Variants in PTK2 observed in about 807,000 individuals in gnomAD.
PTK2 encodes the protein protein tyrosine kinase 2.
A neutral mutation model predicts 150.1 loss-of-function variants in PTK2; 45 were observed. The observed-to-expected ratio is 0.30, with a 90% confidence interval of 0.24 to 0.38. The LOEUF (loss-of-function observed/expected upper bound fraction) is 0.38. Among genes scored for constraint, PTK2 ranks in the 10% least tolerant of loss-of-function variants. PTK2 has a pLI of 1.00. For missense variants in PTK2, 919 were observed against 1,307.3 expected, an observed-to-expected ratio of 0.70 and a Z score of 4.58; for synonymous variants, 432 against 449.2, an observed-to-expected ratio of 0.96 and a Z score of 0.48.
intron 1 of PTK2, among the ~76,000 whole-genome samples, chr8:140,978,503 T>G (rs1158351844): frequency 6.6e-6 from 1 of 151,962 alleles, no homozygotes; most frequent in Non-Finnish European, 1.5e-5. Context: ...AAGAGACACA[T>G]GAAAAAATGC....
At chr8:140,756,988 C>CA (rs751248364) in intron 16 of PTK2, among the ~76,000 whole-genome samples, 2,802 of 99,258 alleles carry the variant, frequency 0.028, 73 homozygotes, top group African/African-American at 0.086. Context: ...TACTCCGTCT[C>CA]AAAAAAAAAA....
chr8:140,866,103 C>T (rs72683785), intron 4 of PTK2, among the ~76,000 whole-genome samples: 6,749 of 152,206 alleles, frequency 0.044, 200 homozygotes, highest in South Asian at 0.064. Context: ...GGCACTATTT[C>T]TCTTAATCAA....
At chr8:140,822,516 G>T (rs2100109372) in intron 8 of PTK2, 1 of 152,104 alleles carries the variant, frequency 6.6e-6, no homozygotes, top group Non-Finnish European at 1.5e-5. Flanking sequence ...TGAAACATTA[G>T]GTAACAACGA....
chr8:140,889,753 A>T (rs529707779), intron 3 of PTK2, among the ~76,000 whole-genome samples: 12 of 152,270 alleles, frequency 7.9e-5, no homozygotes, highest in African/African-American at 2.9e-4. Context: ...GGTATTTAAC[A>T]CTTCATCAAA....
chr8:140,768,352 T>G (rs2100073585), intron 14 of PTK2, among the ~76,000 whole-genome samples: 1 of 152,212 alleles, frequency 6.6e-6, no homozygotes, highest in African/African-American at 2.4e-5. Context: ...ATTCATAGTA[T>G]TGAGAAATTC....
intron 23 of PTK2, among the ~76,000 whole-genome samples, chr8:140,711,592 G>A (rs181523407): frequency 6.6e-6 from 1 of 152,254 alleles, no homozygotes; most frequent in Non-Finnish European, 1.5e-5. Flanking sequence ...ATACTGATGG[G>A]CAATTTTATT....
At chr8:140,658,562 C>T (rs2075422833) in exon 32 of PTK2, 1 of 196,640 alleles carries the variant, frequency 5.1e-6, no homozygotes, top group Non-Finnish European at 1.1e-5. Context: ...AACCAAATTC[C>T]TGTTTTGCTT....
At chr8:140,926,924 T>A (rs769025302) in intron 1 of PTK2, among the ~76,000 whole-genome samples, 53 of 152,238 alleles carry the variant, frequency 3.5e-4, no homozygotes, top group Non-Finnish European at 6.9e-4. Flanking sequence ...TAATTAATGA[T>A]AATTTCTTAT....
chr8:140,670,495 AC>A lies in PTK2; in HGVS notation c.2710-2072del, dbSNP rs1563988008. ...AAAAAAAAAAAAAACAACAACACAC[AC>A]ACACACACACACACACACACACACA... On this transcript the variant is annotated intron_variant, in intron 29 of 31. Transcript: ENST00000522684. Among the ~76,000 whole-genome samples, 32 of 44,270 alleles carry A rather than the reference AC, an allele frequency of 7.2e-4. 5 individuals carry two copies. The highest frequency in any genetic ancestry group is 2.9e-3 in the African/African-American group (32 of 10,934). 29.0% of individuals were successfully genotyped at this position (44,270 alleles called of 152,430 possible). A position where few individuals can be genotyped will look rare whatever the true frequency, so the allele number is the denominator to read the frequency against.
At chr8:140,713,142 A>AT in intron 23 of PTK2, among the ~76,000 whole-genome samples, 1 of 152,194 alleles carries the variant, frequency 6.6e-6, no homozygotes, top group East Asian at 1.9e-4. Flanking sequence ...GTAAAACAGC[A>AT]TTTTTTTCTT....
intron 23 of PTK2, among the ~76,000 whole-genome samples, chr8:140,710,661 A>C (rs999296972): frequency 2.0e-5 from 3 of 152,186 alleles, no homozygotes; most frequent in African/African-American, 7.2e-5. Context: ...ACAGAGTGAG[A>C]CTCTGTCTCA....
intron 1 of PTK2, among the ~76,000 whole-genome samples, chr8:140,964,003 T>C (rs987266035): frequency 1.3e-5 from 2 of 152,166 alleles, no homozygotes; most frequent in Non-Finnish European, 1.5e-5. Flanking sequence ...TAATGTGCCA[T>C]GCTACTTCTT....
intron 14 of PTK2, among the ~76,000 whole-genome samples, chr8:140,779,502 TG>T (rs2100080464): frequency 6.6e-6 from 1 of 152,138 alleles, no homozygotes; most frequent in South Asian, 2.1e-4. Flanking sequence ...AGTGCTACCA[TG>T]GTTCTCAGAC....
intron 27 of PTK2, among the ~76,000 whole-genome samples, chr8:140,684,546 A>C (rs2100018724): frequency 6.6e-6 from 1 of 152,260 alleles, no homozygotes; most frequent in South Asian, 2.1e-4. Context: ...TACAAAAATC[A>C]GTAGCATTTC....
chr8:141,000,369 T>G (rs1013419195), intron 1 of PTK2, among the ~76,000 whole-genome samples: 36 of 152,246 alleles, frequency 2.4e-4, no homozygotes, highest in Non-Finnish European at 3.5e-4. Flanking sequence ...GGCTTGGGGC[T>G]CGGGCACCGG....
intron 16 of PTK2, among the ~76,000 whole-genome samples, chr8:140,754,766 G>A (rs1027737580): frequency 2.0e-5 from 3 of 152,200 alleles, no homozygotes; most frequent in Non-Finnish European, 2.9e-5. Context: ...TAGGACATGC[G>A]GCTAGTGGCC....
chr8:140,917,236 C>T (rs1407608800), intron 2 of PTK2, among the ~76,000 whole-genome samples: 2 of 151,940 alleles, frequency 1.3e-5, no homozygotes, highest in Non-Finnish European at 2.9e-5. Flanking sequence ...ACCGAAAATA[C>T]AACAATTAGC....
At chr8:140,949,176 T>C (rs1214284565) in intron 1 of PTK2, among the ~76,000 whole-genome samples, 2 of 152,218 alleles carry the variant, frequency 1.3e-5, no homozygotes, top group East Asian at 3.8e-4. Flanking sequence ...ATCTTCTTAA[T>C]ATTTTTTCTC....
At chr8:140,764,096 G>A in intron 15 of PTK2, 138 bp downstream of exon 17, 1 of 796,568 alleles carries the variant, frequency 1.3e-6, no homozygotes, top group South Asian at 1.4e-5. Context: ...GAATGGTAAA[G>A]GTTGAAAAGA....
Sources: gnomAD v4.1 joint callset for allele counts (sites outside exome capture counted in the v4.1 genomes callset) on GRCh38, gnomAD v4.1.1 for gene constraint, MANE v1.5 for transcripts, NCBI Gene and HGNC (gene_info 2026-07-23, HGNC 2026-07-21) for gene names.